ARIH1: variants seen among roughly 807,000 people sequenced by gnomAD.
The protein encoded by ARIH1 is ariadne RBR E3 ubiquitin protein ligase 1, also known as E3 ubiquitin-protein ligase ARIH1.
A neutral mutation model predicts 85.0 loss-of-function variants in ARIH1; 8 were observed. The ratio of observed to expected loss-of-function variants is 0.09; its 90% CI spans 0.06 to 0.17. The LOEUF is 0.17. Among genes scored for constraint, ARIH1 ranks in the 10% least tolerant of loss-of-function variants. The pLI, the probability that ARIH1 is intolerant of heterozygous loss-of-function variation, is 1.00. For synonymous variants in ARIH1, 238 were observed against 253.6 expected, an observed-to-expected ratio of 0.94 and a Z score of 0.59; for missense variants, 311 against 718.1, an observed-to-expected ratio of 0.43 and a Z score of 6.48.
At chr15:72,541,417 A>G (rs1293865929) in intron 2 of ARIH1, among the ~76,000 whole-genome samples, 1 of 152,228 alleles carries the variant, frequency 6.6e-6, no homozygotes, top group Non-Finnish European at 1.5e-5. Flanking sequence ...AATTGGAATT[A>G]AGTAAATTAA....
In ARIH1 at chr15:72,474,852, C is replaced by T. The variant is rs1170687315; in HGVS notation, c.213C>T (p.Gly71=). The T allele has an allele frequency of 7.3e-7, 1 of 1,375,412 alleles. No homozygotes were observed. The highest frequency in any genetic ancestry group is 3.3e-5 in the Admixed American group (1 of 30,198). The allele number at this position is 1,375,412 out of a possible 1,614,324, so 85.2% of individuals were successfully genotyped here. A position where few individuals can be genotyped will look rare whatever the true frequency, so the allele number is the denominator to read the frequency against. Residue 71 remains glycine (G), a synonymous_variant, in exon 1 of 14, where the codon GGC becomes GGT. Coordinates refer to ENST00000379887, the MANE Select transcript of ARIH1 (RefSeq NM_005744.5). The stretch of plus-strand genomic sequence containing the variant: ...GCGGGGAGACGGGCGGTGGCGGCGG[C>T]AGCGCTCTGGGGCCCGGCGGTGGCG... ...LLCGETGGGG[G]SALGPGGGGG... is the part of the protein sequence containing the mutation.
chr15:72,503,150 T>C (rs2063910596), intron 1 of ARIH1, among the ~76,000 whole-genome samples: 1 of 152,232 alleles, frequency 6.6e-6, no homozygotes, highest in South Asian at 2.1e-4. Context: ...GTTCTAGATA[T>C]AAAATAGTTG....
chr15:72,483,800 A>ATT (rs10699090), intron 1 of ARIH1, among the ~76,000 whole-genome samples: 13,205 of 146,902 alleles, frequency 0.09, 653 homozygotes, highest in African/African-American at 0.11. Context: ...CAGTTTACTG[A>ATT]TTTTTTTTTT....
intron 1 of ARIH1, among the ~76,000 whole-genome samples, chr15:72,475,769 G>A (rs933082411): frequency 6.6e-6 from 1 of 152,092 alleles, no homozygotes; most frequent in Non-Finnish European, 1.5e-5. Context: ...TCTAATATTG[G>A]ACAAGACTCT....
chr15:72,526,274 A>C (rs1640513524), intron 2 of ARIH1, among the ~76,000 whole-genome samples: 1 of 152,166 alleles, frequency 6.6e-6, no homozygotes, highest in East Asian at 1.9e-4. Flanking sequence ...TTAGTAAGCC[A>C]TAGTCCCTGC....
intron 3 of ARIH1, among the ~76,000 whole-genome samples, chr15:72,549,127 G>A (rs1401701703): frequency 5.0e-5 from 7 of 140,588 alleles, no homozygotes; most frequent in East Asian, 2.0e-4. Context: ...TTGCTCTGTC[G>A]CCCAGGCTGG....
intron 1 of ARIH1, among the ~76,000 whole-genome samples, chr15:72,481,068 T>G (rs1181800289): frequency 6.6e-6 from 1 of 152,254 alleles, no homozygotes; most frequent in Non-Finnish European, 1.5e-5. Flanking sequence ...TGTACAAGCC[T>G]GTGCATGATG....
intron 3 of ARIH1, among the ~76,000 whole-genome samples, chr15:72,552,421 G>A (rs148228936): frequency 2.9e-4 from 44 of 152,200 alleles, no homozygotes; most frequent in African/African-American, 1.1e-3. Flanking sequence ...CTGAGTAGCT[G>A]GGATTACAGG....
chr15:72,496,371 C>T (rs976074033), intron 1 of ARIH1, among the ~76,000 whole-genome samples: 1 of 152,190 alleles, frequency 6.6e-6, no homozygotes, highest in Non-Finnish European at 1.5e-5. Flanking sequence ...TACAAACATA[C>T]TCTAAGCACA....
intron 1 of ARIH1, among the ~76,000 whole-genome samples, chr15:72,485,340 GGGGGGTTT>G (rs1438523082): frequency 6.6e-6 from 1 of 152,090 alleles, no homozygotes; most frequent in African/African-American, 2.4e-5. Context: ...GTGGGTCTCT[GGGGGGTTT>G]GGACCAGGCA....
At chr15:72,476,983 C>T (rs2063797554) in intron 1 of ARIH1, among the ~76,000 whole-genome samples, 1 of 152,052 alleles carries the variant, frequency 6.6e-6, no homozygotes, top group South Asian at 2.1e-4. Flanking sequence ...TTTCTAGTTT[C>T]TGGCTTTTAT....
Position 72,478,482 on chromosome 15 carries a change from A to G in ARIH1, c.375+3468A>G, listed in dbSNP as rs142956225. Among the ~76,000 whole-genome samples, 460 of 152,332 alleles carry G rather than the reference A, an allele frequency of 3.0e-3. 3 individuals are homozygous for G. The highest frequency in any genetic ancestry group is 0.01 in the African/African-American group (430 of 41,578). ...TAATTTATTAAAAGAACCCTGTTCA[A>G]TTCTGCAGTTGGGAGTATTTAAACT... On this transcript the variant is annotated intron_variant, in intron 1 of 13. Coordinates refer to ENST00000379887, the MANE Select transcript of ARIH1 (RefSeq NM_005744.5).
At chr15:72,509,146 A>T (rs576539496) in intron 1 of ARIH1, among the ~76,000 whole-genome samples, 63 of 151,298 alleles carry the variant, frequency 4.2e-4, no homozygotes, top group Non-Finnish European at 7.4e-4. Flanking sequence ...GTGCATCACC[A>T]CTCCCAGCTA....
At chr15:72,552,837 C>T (rs557516752) in intron 3 of ARIH1, among the ~76,000 whole-genome samples, 2 of 149,994 alleles carry the variant, frequency 1.3e-5, no homozygotes, top group African/African-American at 4.9e-5. Flanking sequence ...TGCGGTGGTG[C>T]GATCTTGGCT....
At chr15:72,533,264 G>T (rs991217064) in intron 2 of ARIH1, among the ~76,000 whole-genome samples, 1 of 152,116 alleles carries the variant, frequency 6.6e-6, no homozygotes, top group Non-Finnish European at 1.5e-5. Context: ...CAAGTAGCTG[G>T]GACTACAGGA....
chr15:72,483,793 TTTACTGA>T (rs995491215), intron 1 of ARIH1, among the ~76,000 whole-genome samples: 3 of 87,806 alleles, frequency 3.4e-5, no homozygotes, highest in African/African-American at 1.0e-4. Context: ...GATTCTCCAG[TTTACTGA>T]TTTTTTTTTT....
At chr15:72,551,973 T>C (rs759671479) in intron 3 of ARIH1, among the ~76,000 whole-genome samples, 1 of 152,220 alleles carries the variant, frequency 6.6e-6, no homozygotes, top group Non-Finnish European at 1.5e-5. Flanking sequence ...AGTTGGATCA[T>C]ATACTACATT....
At chr15:72,537,389 TA>T (rs2064087144) in intron 2 of ARIH1, among the ~76,000 whole-genome samples, 1 of 152,194 alleles carries the variant, frequency 6.6e-6, no homozygotes, top group Non-Finnish European at 1.5e-5. Context: ...CATGATTTTT[TA>T]AAAGTCCAAT....
Position 72,474,407 on chromosome 15 carries a change from T to A in ARIH1, c.-233T>A. 1 of 558,060 alleles carries A rather than the reference T, an allele frequency of 1.8e-6. No individual in the cohort carries two copies. The highest frequency in any genetic ancestry group is 2.0e-5 in the South Asian group (1 of 50,038). The allele number at this position is 558,060 out of a possible 1,614,324, so 34.6% of individuals were successfully genotyped here. ...AGGCCGGAGCGGAGCCGCGTCTGAC[T>A]GAGGCGGGCAGCAAGCGGCCCCCTC... On this transcript the variant is annotated 5_prime_UTR_variant, in exon 1 of 14. Coordinates refer to ENST00000379887, the MANE Select transcript of ARIH1 (RefSeq NM_005744.5).
Sources: gnomAD v4.1 joint callset for allele counts (sites outside exome capture counted in the v4.1 genomes callset) on GRCh38, gnomAD v4.1.1 for gene constraint, MANE v1.5 for transcripts, NCBI Gene and HGNC (gene_info 2026-07-23, HGNC 2026-07-21) for gene names.